The following CLNK variants were observed in gnomAD, a reference collection of about 807,000 sequenced individuals.
The protein encoded by CLNK is cytokine dependent hematopoietic cell linker, also known as cytokine-dependent hematopoietic cell linker.
CLNK carries 74 observed loss-of-function variants against 68.6 expected under a neutral mutation model. That is an observed-to-expected ratio of 1.08 (90% CI 0.89 to 1.31). CLNK has a LOEUF of 1.31. Among genes scored for constraint, CLNK ranks in the 50% most tolerant of loss-of-function variants. The pLI, the probability that CLNK is intolerant of heterozygous loss-of-function variation, is 0.00. For missense variants in CLNK, 553 were observed against 515.3 expected (o/e 1.07, Z -0.71); for synonymous variants, 198 against 172.2 (o/e 1.15, Z -1.17).
chr4:10,494,223 T>A (rs1258873267), intron 18 of CLNK, among the ~76,000 whole-genome samples: 4 of 152,232 alleles, frequency 2.6e-5, no homozygotes, highest in African/African-American at 4.8e-5. Flanking sequence ...CAGAACTCTT[T>A]CACAAAATTG....
At chr4:10,716,557 T>A in the CLNK span, among the ~76,000 whole-genome samples, 1 of 152,194 alleles carries the variant, frequency 6.6e-6, no homozygotes, top group South Asian at 2.1e-4. Context: ...CTGTTTTACG[T>A]GTCCCAAACT....
At chr4:10,648,769 A>G (rs1488217064) in intron 2 of CLNK, among the ~76,000 whole-genome samples, 1 of 152,182 alleles carries the variant, frequency 6.6e-6, no homozygotes, top group East Asian at 1.9e-4. Flanking sequence ...TTCATGCCCA[A>G]AGCTTGAAAG....
chr4:10,665,828 G>A lies in CLNK; in HGVS notation c.11+2031C>T, dbSNP rs1035304048. 8.5e-5 allele frequency among the ~76,000 whole-genome samples: 13 copies of A among 152,140 alleles called. 1 individual carries two copies. Among genetic ancestry groups the A allele is most frequent in the Non-Finnish European group, 1.6e-4 (11 of 68,028 alleles). ...GTGTGAAGATAAAGGCTGCTGCCCT[G>A]GACTGAATGGTGGCCCTACAACATA... is the stretch of plus-strand genomic sequence containing the variant. On this transcript the variant is annotated intron_variant, in intron 2 of 18. Transcript: ENST00000226951.
At chr4:10,613,147 C>A (rs1052127200) in intron 2 of CLNK, among the ~76,000 whole-genome samples, 5 of 151,930 alleles carry the variant, frequency 3.3e-5, no homozygotes, top group African/African-American at 1.2e-4. Flanking sequence ...AGAAGGACAA[C>A]AATAACAGTA....
chr4:10,654,907 C>T (rs1037111077), intron 2 of CLNK, among the ~76,000 whole-genome samples: 4 of 151,920 alleles, frequency 2.6e-5, no homozygotes, highest in African/African-American at 9.7e-5. Context: ...TCGAGATCAT[C>T]CTGGCTAACA....
At chr4:10,509,041 C>T (rs566326219) in intron 16 of CLNK, among the ~76,000 whole-genome samples, 9 of 132,074 alleles carry the variant, frequency 6.8e-5, no homozygotes, top group Non-Finnish European at 9.2e-5. Context: ...TGGGAGGCGG[C>T]GGTTGCAGTG....
the CLNK span, among the ~76,000 whole-genome samples, chr4:10,721,702 G>T: frequency 6.6e-6 from 1 of 152,114 alleles, no homozygotes; most frequent in South Asian, 2.1e-4. Flanking sequence ...AGTAATTATC[G>T]AGTTGTATGT....
intron 2 of CLNK, among the ~76,000 whole-genome samples, chr4:10,649,282 G>T (rs1723636498): frequency 6.6e-6 from 1 of 152,122 alleles, no homozygotes; most frequent in South Asian, 2.1e-4. Context: ...CAATAGCAAA[G>T]TTTTTTAAGC....
chr4:10,571,424 T>C (rs1720345352), intron 5 of CLNK, among the ~76,000 whole-genome samples: 1 of 139,642 alleles, frequency 7.2e-6, no homozygotes, highest in Non-Finnish European at 1.5e-5. Flanking sequence ...AGCCTCTGCC[T>C]CCTGGGTTCA....
chr4:10,726,886 G>C, the CLNK span, among the ~76,000 whole-genome samples: 1 of 152,254 alleles, frequency 6.6e-6, no homozygotes, highest in African/African-American at 2.4e-5. Flanking sequence ...TGGAACTGTT[G>C]CTATGAAAAT....
intron 15 of CLNK, among the ~76,000 whole-genome samples, chr4:10,513,830 T>A (rs192265235): frequency 0.02 from 2,873 of 147,296 alleles, 35 homozygotes; most frequent in Middle Eastern, 0.035. Context: ...TTTTTTTTTT[T>A]AAATTATTAT....
At chr4:10,692,650 A>G in the CLNK span, among the ~76,000 whole-genome samples, 42,488 of 152,190 alleles carry the variant, frequency 0.28, 6,271 homozygotes, top group Non-Finnish European at 0.33. Flanking sequence ...CGTTTTCAAA[A>G]TGCATGCTAC....
intron 12 of CLNK, among the ~76,000 whole-genome samples, chr4:10,529,227 T>C (rs1303468435): frequency 6.6e-6 from 1 of 152,230 alleles, no homozygotes; most frequent in African/African-American, 2.4e-5. Flanking sequence ...AATTTTTTTC[T>C]CTATAAGTAT....
At chr4:10,726,962 C>T in the CLNK span, among the ~76,000 whole-genome samples, 16 of 152,278 alleles carry the variant, frequency 1.1e-4, no homozygotes, top group Admixed American at 2.0e-4. Context: ...TAGCAAGTGA[C>T]GGGCCAAAAT....
chr4:10,543,660 ACACAATGCAACACAG>A (rs1412723548), intron 8 of CLNK, among the ~76,000 whole-genome samples: 3 of 152,218 alleles, frequency 2.0e-5, no homozygotes, highest in African/African-American at 7.2e-5. Context: ...ATACAACACA[ACACAATGCAACACAG>A]CACAAACTGG....
chr4:10,663,812 G>T (rs967183936), intron 2 of CLNK, among the ~76,000 whole-genome samples: 2 of 152,156 alleles, frequency 1.3e-5, no homozygotes, highest in Non-Finnish European at 2.9e-5. Context: ...GGGGCCTTTG[G>T]GGGCTGATTA....
rs372952826 is a variant in CLNK, at chr4:10,667,908, C to T, written c.-39G>A. The T allele has an allele frequency of 1.1e-5, 15 of 1,374,330 alleles. No individual in the cohort carries two copies. Among genetic ancestry groups the T allele is most frequent in the Non-Finnish European group, 1.4e-5 (15 of 1,048,112 alleles). 85.1% of individuals were successfully genotyped at this position (1,374,330 alleles called of 1,614,324 possible). On this transcript the variant is annotated 5_prime_UTR_variant, in exon 2 of 19. Transcript: ENST00000226951. The stretch of plus-strand genomic sequence containing the variant: ...TGGCGGGTAAGAGGGATCTTCAATT[C>T]AGCCTGTGGAAACAAAAGCAAACGC...
intron 2 of CLNK, among the ~76,000 whole-genome samples, chr4:10,623,978 G>A (rs951874494): frequency 6.6e-6 from 1 of 152,246 alleles, no homozygotes; most frequent in Non-Finnish European, 1.5e-5. Flanking sequence ...CAAGGTACGT[G>A]TTTAACGTGA....
At chr4:10,598,675 C>T (rs1257952375) in intron 2 of CLNK, 2 of 445,836 alleles carry the variant, frequency 4.5e-6, no homozygotes, top group African/African-American at 4.0e-5. Context: ...AATTTGCTAA[C>T]ATTCATTAAA....
Sources: allele counts gnomAD v4.1 joint callset (sites outside exome capture counted in the v4.1 genomes callset), GRCh38; gene constraint gnomAD v4.1.1; transcripts MANE v1.5; gene names NCBI Gene and HGNC (gene_info 2026-07-23, HGNC 2026-07-21).